Variants in SNX29 observed in about 807,000 individuals in gnomAD.
SNX29 encodes sorting nexin 29.
A neutral mutation model predicts 102.1 loss-of-function variants in SNX29; 78 were observed. That is an observed-to-expected ratio of 0.76 (90% CI 0.64 to 0.92). The LOEUF is 0.92. Among genes scored for constraint, SNX29 ranks in the 40% least tolerant of loss-of-function variants. The pLI is 0.00. For synonymous variants in SNX29, 580 were observed against 414.5 expected (o/e 1.40, Z -4.85); for missense variants, 1,280 against 1,061.7 (o/e 1.21, Z -2.86).
chr16:12,093,630 G>C (rs576538731), intron 11 of SNX29: 1 of 152,090 alleles, frequency 6.6e-6, no homozygotes, highest in Non-Finnish European at 1.5e-5. Flanking sequence ...ATGTGACCCC[G>C]GGCAAATGCT....
At chr16:12,414,278 G>A (rs1278449663) in intron 18 of SNX29, among the ~76,000 whole-genome samples, 1 of 152,192 alleles carries the variant, frequency 6.6e-6, no homozygotes, top group Non-Finnish European at 1.5e-5. Context: ...GCAGACTGAG[G>A]TAAGAGAATT....
chr16:12,527,551 C>T (rs2076820090), intron 20 of SNX29, among the ~76,000 whole-genome samples: 1 of 152,158 alleles, frequency 6.6e-6, no homozygotes, highest in South Asian at 2.1e-4. Flanking sequence ...TGGATGTCAG[C>T]TTTGTGTTTC....
intron 18 of SNX29, among the ~76,000 whole-genome samples, chr16:12,421,720 CCTT>C (rs1169163127): frequency 1.3e-5 from 2 of 152,134 alleles, no homozygotes; most frequent in Non-Finnish European, 2.9e-5. Context: ...TTCCCCTCCT[CCTT>C]CCTCCTCAAT....
intron 13 of SNX29, among the ~76,000 whole-genome samples, chr16:12,184,893 G>A (rs2076474806): frequency 1.3e-5 from 2 of 152,204 alleles, no homozygotes; most frequent in African/African-American, 4.8e-5. Context: ...CTGTCAAGGG[G>A]AAAATCATTG....
intron 13 of SNX29, among the ~76,000 whole-genome samples, chr16:12,172,807 G>A (rs1357366331): frequency 1.3e-5 from 2 of 152,220 alleles, no homozygotes; most frequent in Non-Finnish European, 2.9e-5. Context: ...AGTAATGGAT[G>A]TGAAGTGGCA....
intron 19 of SNX29, among the ~76,000 whole-genome samples, chr16:12,479,510 C>G (rs1356251893): frequency 6.6e-6 from 1 of 152,164 alleles, no homozygotes; most frequent in Non-Finnish European, 1.5e-5. Context: ...TTATCCCAGG[C>G]CCAGAATACA....
chr16:12,126,743 C>T (rs915771426), intron 12 of SNX29, 47 bp downstream of exon 12: 1 of 1,603,716 alleles, frequency 6.2e-7, no homozygotes. Flanking sequence ...CTTTGACATT[C>T]TGCCTCTGGG....
At chr16:12,457,899 G>T (rs1323421187) in intron 18 of SNX29, among the ~76,000 whole-genome samples, 1 of 152,216 alleles carries the variant, frequency 6.6e-6, no homozygotes, top group Non-Finnish European at 1.5e-5. Context: ...ACAAAAGAGG[G>T]TTCCTCGTGA....
At position 12,572,069 on chromosome 16, in the gene SNX29, G is replaced by T. The variant is rs1397567606; in HGVS notation, c.*3440G>T. 1.9e-6 allele frequency: 2 copies of T among 1,063,660 alleles called. No individual in the cohort carries two copies. The highest frequency in any genetic ancestry group is 2.3e-6 in the Non-Finnish European group (2 of 878,206). 65.9% of individuals were successfully genotyped at this position (1,063,660 alleles called of 1,614,324 possible). On this transcript the variant is annotated 3_prime_UTR_variant, in exon 21 of 21. Transcript: ENST00000566228. ...TGTAAACAAGGGAACCATCTTGCAA[G>T]ATCTAGGAAGAGGAAGGGGAGGGAT...
chr16:12,421,838 T>A (rs938917545), intron 18 of SNX29, among the ~76,000 whole-genome samples: 3 of 151,674 alleles, frequency 2.0e-5, no homozygotes, highest in African/African-American at 7.3e-5. Context: ...TAGCCATGCA[T>A]CACCATCACC....
At chr16:11,984,414 C>A (rs2055522431) in intron 1 of SNX29, among the ~76,000 whole-genome samples, 1 of 150,970 alleles carries the variant, frequency 6.6e-6, no homozygotes, top group African/African-American at 2.4e-5. Context: ...ATATAGGCTG[C>A]AGTAATTGTA....
At position 12,061,541 on chromosome 16, in the gene SNX29, A is replaced by G. The variant is rs1401822538; in HGVS notation, c.1138A>G (p.Asn380Asp). 1 of 1,604,310 alleles carries G rather than the reference A, an allele frequency of 6.2e-7. No homozygotes were observed. The highest frequency in any genetic ancestry group is 1.3e-5 in the African/African-American group (1 of 74,720). The change falls in exon 9 of 21, where the codon AAC becomes GAC. Residue 380 changes from asparagine to aspartate, a missense_variant. Asn to Asp is a conservative substitution (Grantham distance 23). Coordinates refer to ENST00000566228, the MANE Select transcript of SNX29 (RefSeq NM_032167.5). The stretch of plus-strand genomic sequence containing the variant: ...CTTTCACCTTAGGCCACTGGAAGGG[A>G]ACACCTGCCTCTCCCAGATGCACAG... Reference protein sequence around the residue: ...SESPEKPLEGNTCLSQMHSWA... With the variant: ...SESPEKPLEGDTCLSQMHSWA...
chr16:12,033,472 T>A (rs1166114160), intron 4 of SNX29, among the ~76,000 whole-genome samples: 1 of 152,162 alleles, frequency 6.6e-6, no homozygotes, highest in Non-Finnish European at 1.5e-5. Context: ...TTTGTTCTCT[T>A]CTCTTCTGAA....
At chr16:12,485,112 A>G (rs1224637096) in intron 19 of SNX29, among the ~76,000 whole-genome samples, 1 of 152,160 alleles carries the variant, frequency 6.6e-6, no homozygotes, top group Non-Finnish European at 1.5e-5. Context: ...GAGTACATAA[A>G]CTTTCAAGGT....
chr16:12,325,297 T>G (rs2081082712), intron 15 of SNX29, among the ~76,000 whole-genome samples: 1 of 152,178 alleles, frequency 6.6e-6, no homozygotes, highest in African/African-American at 2.4e-5. Flanking sequence ...TCATAACAGA[T>G]TTTAATTTGA....
intron 15 of SNX29, among the ~76,000 whole-genome samples, chr16:12,344,006 C>A (rs2081696536): frequency 6.6e-6 from 1 of 152,084 alleles, no homozygotes; most frequent in South Asian, 2.1e-4. Flanking sequence ...GAGGTTGTTC[C>A]CCTCTCCTGT....
intron 16 of SNX29, among the ~76,000 whole-genome samples, chr16:12,370,358 G>A (rs536864502): frequency 1.3e-5 from 2 of 152,238 alleles, no homozygotes; most frequent in South Asian, 2.1e-4. Context: ...TCAGGAGTTC[G>A]AGACCAGCCT....
intron 14 of SNX29, among the ~76,000 whole-genome samples, chr16:12,254,711 C>T (rs1013292495): frequency 6.6e-6 from 1 of 151,604 alleles, no homozygotes; most frequent in East Asian, 1.9e-4. Context: ...CTAGAAGCCA[C>T]GTGAGAGTGT....
chr16:12,352,978 G>A (rs577724349), intron 15 of SNX29, among the ~76,000 whole-genome samples: 32 of 146,652 alleles, frequency 2.2e-4, no homozygotes, highest in Non-Finnish European at 4.1e-4. Context: ...ATAGGCGTGG[G>A]ATATAGGCGT....
Sources: allele counts gnomAD v4.1 joint callset (sites outside exome capture counted in the v4.1 genomes callset), GRCh38; gene constraint gnomAD v4.1.1; transcripts MANE v1.5; gene names NCBI Gene and HGNC (gene_info 2026-07-23, HGNC 2026-07-21).